MICU1: variants seen among roughly 807,000 people sequenced by gnomAD.
The protein encoded by MICU1 is mitochondrial calcium uptake 1.
MICU1 carries 45 observed loss-of-function variants against 56.8 expected under a neutral mutation model. The observed-to-expected ratio is 0.79, with a 90% confidence interval of 0.62 to 1.02. MICU1 has a LOEUF of 1.02. Among genes scored for constraint, MICU1 ranks in the 50% least tolerant of loss-of-function variants. The pLI, the probability that MICU1 is intolerant of heterozygous loss-of-function variation, is 0.00. For synonymous variants in MICU1, 186 were observed against 195.1 expected (o/e 0.95, Z 0.39); for missense variants, 504 against 587.1 (o/e 0.86, Z 1.46).
At chr10:72,396,615 G>A (rs146514266) in intron 10 of MICU1, among the ~76,000 whole-genome samples, 2 of 152,282 alleles carry the variant, frequency 1.3e-5, no homozygotes, top group African/African-American at 4.8e-5. Context: ...TGAAAACCAT[G>A]GCATGAGAAC....
intron 10 of MICU1, among the ~76,000 whole-genome samples, chr10:72,379,227 C>T (rs1862624208): frequency 6.6e-6 from 1 of 152,180 alleles, no homozygotes; most frequent in South Asian, 2.1e-4. Context: ...TTATACTTCT[C>T]AGTAGGAAAG....
intron 1 of MICU1, among the ~76,000 whole-genome samples, chr10:72,597,653 C>T (rs560226439): frequency 2.6e-5 from 4 of 152,090 alleles, no homozygotes; most frequent in Middle Eastern, 3.2e-3. Flanking sequence ...TAAAATTTCA[C>T]GTCTAAACAT....
intron 5 of MICU1, 96 bp from the exon 6 acceptor site, chr10:72,508,365 A>T (rs1254557920): frequency 1.2e-5 from 6 of 487,098 alleles, no homozygotes; most frequent in Non-Finnish European, 2.2e-5. Context: ...TGACAGTTTT[A>T]TGCTATTTAT....
intron 4 of MICU1, among the ~76,000 whole-genome samples, chr10:72,540,717 C>A (rs1248644789): frequency 6.6e-6 from 1 of 152,186 alleles, no homozygotes; most frequent in East Asian, 1.9e-4. Flanking sequence ...GATTAGATTA[C>A]TGATCTCAAA....
intron 8 of MICU1, among the ~76,000 whole-genome samples, chr10:72,436,528 C>G (rs1864728750): frequency 6.6e-6 from 1 of 152,100 alleles, no homozygotes; most frequent in Non-Finnish European, 1.5e-5. Flanking sequence ...CAGCTCCTTG[C>G]CAGCAACAGA....
At chr10:72,622,602 T>C (rs973446157) in intron 1 of MICU1, among the ~76,000 whole-genome samples, 2 of 152,230 alleles carry the variant, frequency 1.3e-5, no homozygotes, top group Non-Finnish European at 2.9e-5. Context: ...CTAGTGCTGG[T>C]ATTACAATCT....
intron 9 of MICU1, among the ~76,000 whole-genome samples, chr10:72,413,859 T>A (rs1217497790): frequency 6.6e-6 from 1 of 152,162 alleles, no homozygotes; most frequent in Non-Finnish European, 1.5e-5. Flanking sequence ...ACAAGACAAG[T>A]GAATGGCTAA....
At chr10:72,384,230 A>G (rs1300530763) in intron 10 of MICU1, among the ~76,000 whole-genome samples, 1 of 152,092 alleles carries the variant, frequency 6.6e-6, no homozygotes, top group Non-Finnish European at 1.5e-5. Context: ...CCTGGGCTCA[A>G]GCGAACCACC....
chr10:72,405,194 C>T (rs932846038), intron 10 of MICU1, among the ~76,000 whole-genome samples: 2 of 151,988 alleles, frequency 1.3e-5, no homozygotes, highest in Non-Finnish European at 2.9e-5. Flanking sequence ...CAGGCATGAG[C>T]CACCATGCCT....
chr10:72,482,256 C>T (rs780147708), intron 6 of MICU1, among the ~76,000 whole-genome samples: 2 of 152,074 alleles, frequency 1.3e-5, no homozygotes, highest in African/African-American at 2.4e-5. Context: ...TCATTTGCTG[C>T]CTTACATTAT....
At chr10:72,578,598 T>C (rs1564944587) in intron 1 of MICU1, among the ~76,000 whole-genome samples, 1 of 151,474 alleles carries the variant, frequency 6.6e-6, no homozygotes, top group Non-Finnish European at 1.5e-5. Flanking sequence ...CATGTACACA[T>C]TTTTTTTGCT....
At chr10:72,535,004 T>TATTTTATTTTA in intron 4 of MICU1, among the ~76,000 whole-genome samples, 1 of 93,602 alleles carries the variant, frequency 1.1e-5, no homozygotes, top group Non-Finnish European at 2.8e-5. Context: ...TCTCCCTCTA[T>TATTTTATTTTA]TTTTTATTTT....
At chr10:72,479,543 T>G (rs966778233) in intron 6 of MICU1, among the ~76,000 whole-genome samples, 1 of 152,176 alleles carries the variant, frequency 6.6e-6, no homozygotes, top group Non-Finnish European at 1.5e-5. Context: ...TGTTTTTGTT[T>G]TTTGGGACAG....
intron 5 of MICU1, among the ~76,000 whole-genome samples, chr10:72,514,026 T>C (rs1427070537): frequency 6.6e-6 from 1 of 152,116 alleles, no homozygotes. Context: ...GCATTTTTTT[T>C]TTCATTCTTT....
At chr10:72,396,424 A>G (rs1362141359) in intron 10 of MICU1, among the ~76,000 whole-genome samples, 6 of 152,248 alleles carry the variant, frequency 3.9e-5, no homozygotes, top group African/African-American at 1.4e-4. Flanking sequence ...ACAAAGCTAG[A>G]CGGAGAATGA....
At chr10:72,455,118 G>C (rs983247464) in intron 8 of MICU1, among the ~76,000 whole-genome samples, 1 of 152,076 alleles carries the variant, frequency 6.6e-6, no homozygotes, top group Non-Finnish European at 1.5e-5. Context: ...GGGAGGCCGA[G>C]GTAGGTGGAT....
At chr10:72,374,808 C>CTTTTTTTTTTTT (rs34228174) in intron 11 of MICU1, among the ~76,000 whole-genome samples, 1 of 77,206 alleles carries the variant, frequency 1.3e-5, no homozygotes, top group African/African-American at 5.2e-5. Flanking sequence ...CTACTATTAT[C>CTTTTTTTTTTTT]TTTTTTTTTT....
intron 8 of MICU1, among the ~76,000 whole-genome samples, chr10:72,436,155 A>G (rs1864710062): frequency 6.6e-6 from 1 of 152,222 alleles, no homozygotes; most frequent in African/African-American, 2.4e-5. Context: ...CAGACACCTC[A>G]TATAGGCGGC....
At chr10:72,374,086 G>C (rs920351025) in intron 11 of MICU1, among the ~76,000 whole-genome samples, 1 of 152,128 alleles carries the variant, frequency 6.6e-6, no homozygotes, top group African/African-American at 2.4e-5. Flanking sequence ...GTTCAACCTT[G>C]GTTTTGTAGG....
Sources: allele counts gnomAD v4.1 joint callset (sites outside exome capture counted in the v4.1 genomes callset), GRCh38; gene constraint gnomAD v4.1.1; transcripts MANE v1.5; gene names NCBI Gene and HGNC (gene_info 2026-07-23, HGNC 2026-07-21).